SNF8: variants seen among roughly 807,000 people sequenced by gnomAD.
The protein encoded by SNF8 is SNF8 subunit of ESCRT-II.
A neutral mutation model predicts 36.8 loss-of-function variants in SNF8; 19 were observed. The ratio of observed to expected loss-of-function variants is 0.52; its 90% CI spans 0.36 to 0.76. The LOEUF is 0.76. Ranked by LOEUF, SNF8 falls within the 30% of genes least tolerant of loss-of-function variation. SNF8 has a pLI of 0.00. For missense variants in SNF8, 268 were observed against 322.9 expected (o/e 0.83, Z 1.30); for synonymous variants, 127 against 127.4 (o/e 1.00, Z 0.02).
Position 48,930,410 on chromosome 17 carries a change from T to TG in SNF8, c.*64dup. ...TTTCTATTTTTTGTATAAACAAAAT[T>TG]GCCCAGGTTTATTTGCCACCTCCGC... On this transcript the variant is annotated 3_prime_UTR_variant, in exon 8 of 8. Transcript: ENST00000502492. 5 of 1,395,602 alleles carry TG rather than the reference T, an allele frequency of 3.6e-6. No homozygotes were observed. Among genetic ancestry groups the TG allele is most frequent in the Non-Finnish European group, 4.7e-6 (5 of 1,063,188 alleles). 86.5% of individuals were successfully genotyped at this position (1,395,602 alleles called of 1,614,324 possible). A position where few individuals can be genotyped will look rare whatever the true frequency, so the allele number is the denominator to read the frequency against.
At chr17:48,943,849 C>G (rs1489968399) in intron 2 of SNF8, 76 bp downstream of exon 2, 9 of 1,310,402 alleles carry the variant, frequency 6.9e-6, no homozygotes, top group African/African-American at 5.8e-5. Flanking sequence ...TCTACACAAT[C>G]AAGTTCGTAT....
intron 6 of SNF8, 107 bp downstream of exon 6, chr17:48,933,098 G>T: frequency 8.1e-7 from 1 of 1,240,940 alleles, no homozygotes; most frequent in Non-Finnish European, 1.1e-6. Flanking sequence ...CCACTGGATA[G>T]TCTCAGCAAA....
chr17:48,939,555 G>A (rs1355408370), intron 3 of SNF8, among the ~76,000 whole-genome samples: 2 of 151,188 alleles, frequency 1.3e-5, no homozygotes, highest in African/African-American at 2.4e-5. Context: ...CACCTCCCGG[G>A]TTCAAGTGAT....
chr17:48,942,941 C>T (rs577222378), intron 2 of SNF8, among the ~76,000 whole-genome samples: 1 of 147,320 alleles, frequency 6.8e-6, no homozygotes, highest in Non-Finnish European at 1.5e-5. Context: ...TCCTGGCTCA[C>T]TGCAACCTCT....
In SNF8 at chr17:48,930,464, T is replaced by G. The variant is rs1437143099; in HGVS notation, c.*11A>C. ...CTCCCTGCCTGCTGCTGTGTGCCCTTCCACATGCAGTCAGGGGAGGGCTTC... is the reference window on the plus strand; with the variant it reads ...CTCCCTGCCTGCTGCTGTGTGCCCTGCCACATGCAGTCAGGGGAGGGCTTC... On this transcript the variant is annotated 3_prime_UTR_variant, in exon 8 of 8. Transcript: ENST00000502492. 7 of 1,586,746 alleles carry G rather than the reference T, an allele frequency of 4.4e-6. No homozygotes were observed. In the African/African-American group the frequency reaches 8.1e-5, roughly 18 times the overall value.
In SNF8 at chr17:48,941,683, CAATATTTTTTTTTTTT is replaced by C. The variant is rs1157115096; in HGVS notation, c.106-637_106-622del. 3.3e-5 allele frequency among the ~76,000 whole-genome samples: 4 copies of C among 119,814 alleles called. No individual in the cohort carries two copies. In the Admixed American group the frequency reaches 3.4e-4, roughly 10 times the overall value. 78.6% of individuals were successfully genotyped at this position (119,814 alleles called of 152,430 possible). A position where few individuals can be genotyped will look rare whatever the true frequency, so the allele number is the denominator to read the frequency against. On this transcript the variant is annotated intron_variant, in intron 2 of 7. Coordinates refer to ENST00000502492, the MANE Select transcript of SNF8 (RefSeq NM_007241.4). Reference sequence around the variant, plus strand: ...ACATAGCAAGACTGTCTCAATCAATCAATATTTTTTTTTTTTAATTTTTTTGAGACAGAATCTTGCT... The same window carrying C: ...ACATAGCAAGACTGTCTCAATCAATCAATTTTTTTGAGACAGAATCTTGCT...
chr17:48,942,373 A>G (rs1030498318), intron 2 of SNF8, among the ~76,000 whole-genome samples: 6 of 151,620 alleles, frequency 4.0e-5, no homozygotes, highest in Admixed American at 2.0e-4. Flanking sequence ...ACATATTTTA[A>G]TCACCATTTT....
chr17:48,933,304 G>A lies in SNF8; in HGVS notation c.465C>T (p.Gly155=), dbSNP rs748221507. ...IRAIKKLKAL[G]TGFGIIPVGG... is the part of the protein sequence containing the mutation. ...CCACAGGGATGATGCCGAAGCCAGT[G>A]CCAAGTGCCTTTAGTTTCTTGATGG... The change falls in exon 6 of 8, where the codon GGC becomes GGT. Residue 155 remains glycine (G), a synonymous_variant. Coordinates refer to ENST00000502492, the MANE Select transcript of SNF8 (RefSeq NM_007241.4). 1.9e-6 allele frequency: 3 copies of A among 1,614,210 alleles called. No homozygotes were observed. Among genetic ancestry groups the A allele is most frequent in the Non-Finnish European group, 1.7e-6 (2 of 1,180,030 alleles).
chr17:48,936,839 A>G, intron 4 of SNF8, 181 bp downstream of exon 4: 1 of 634,702 alleles, frequency 1.6e-6, no homozygotes, highest in East Asian at 2.6e-5. Context: ...ACAATCGTTC[A>G]GGTAATTCTA....
chr17:48,929,689 AGCTCGGCTG>A lies in SNF8; in HGVS notation c.*777_*785del, dbSNP rs2040828613. Reference sequence around the variant, plus strand: ...GTTAATAGGCCTAGGCACCAGCTTTAGCTCGGCTGAAGCTGGCGGCCCCTGGCAAATTAC... The same window carrying A: ...GTTAATAGGCCTAGGCACCAGCTTTAAAGCTGGCGGCCCCTGGCAAATTAC... On this transcript the variant is annotated 3_prime_UTR_variant, in exon 8 of 8. Coordinates refer to ENST00000502492, the MANE Select transcript of SNF8 (RefSeq NM_007241.4). The A allele has an allele frequency of 6.6e-6, 1 of 152,190 alleles. No homozygotes were observed. The highest frequency in any genetic ancestry group is 1.5e-5 in the Non-Finnish European group (1 of 68,046). 9.4% of individuals were successfully genotyped at this position (152,190 alleles called of 1,614,324 possible).
At chr17:48,942,847 CTTTTTT>C (rs71144543) in intron 2 of SNF8, among the ~76,000 whole-genome samples, 9 of 86,172 alleles carry the variant, frequency 1.0e-4, no homozygotes, top group Admixed American at 6.9e-4. Flanking sequence ...CGCACCCGGC[CTTTTTT>C]TTTTTTTTTT....
chr17:48,930,231 A>G lies in SNF8; in HGVS notation c.*244T>C, dbSNP rs1277420249. The stretch of plus-strand genomic sequence containing the variant: ...CAGCTCTTCCATGAACTTGCAGATG[A>G]CCTACAAAAATCATTTTATATGTGC... On this transcript the variant is annotated 3_prime_UTR_variant, in exon 8 of 8. Transcript: ENST00000502492. 3.0e-6 allele frequency: 1 copy of G among 333,122 alleles called. No homozygotes were observed. The highest frequency in any genetic ancestry group is 2.1e-5 in the African/African-American group (1 of 47,658). 20.6% of individuals were successfully genotyped at this position (333,122 alleles called of 1,614,324 possible). A position where few individuals can be genotyped will look rare whatever the true frequency, so the allele number is the denominator to read the frequency against.
Position 48,944,746 on chromosome 17 carries a change from GCCCGCGGGCCGCCCGGCTGCCGGGAC to G in SNF8, c.-38_-13del. 1 of 1,595,088 alleles carries G rather than the reference GCCCGCGGGCCGCCCGGCTGCCGGGAC, an allele frequency of 6.3e-7. No individual in the cohort carries two copies. The highest frequency in any genetic ancestry group is 8.5e-7 in the Non-Finnish European group (1 of 1,173,330). ...CCGCGGCGGTGCATCCCCACCCTGG[GCCCGCGGGCCGCCCGGCTGCCGGGAC>G]CCCGGGTCTCCACGTCCCGGACTCC... On this transcript the variant is annotated 5_prime_UTR_variant, in exon 1 of 8. Coordinates refer to ENST00000502492, the MANE Select transcript of SNF8 (RefSeq NM_007241.4).
intron 4 of SNF8, chr17:48,936,698 T>G (rs943644069): frequency 5.0e-6 from 2 of 403,996 alleles, no homozygotes; most frequent in African/African-American, 4.0e-5. Context: ...TGCAGGACTA[T>G]AGTTACTAAT....
intron 2 of SNF8, among the ~76,000 whole-genome samples, chr17:48,943,198 G>A (rs538325417): frequency 5.9e-5 from 9 of 151,946 alleles, no homozygotes; most frequent in East Asian, 2.0e-4. Context: ...GGCCGGGCGC[G>A]GTGGCTCACG....
chr17:48,933,292 G>A lies in SNF8; in HGVS notation c.477C>T (p.Gly159=), dbSNP rs754092050. The A allele has an allele frequency of 3.8e-5, 62 of 1,614,068 alleles. No individual in the cohort carries two copies. The highest frequency in any genetic ancestry group is 3.8e-5 in the Non-Finnish European group (45 of 1,180,026). ...GGTAAGTGCCGCCCACAGGGATGATGCCGAAGCCAGTGCCAAGTGCCTTTA... is the reference window on the plus strand; with the variant it reads ...GGTAAGTGCCGCCCACAGGGATGATACCGAAGCCAGTGCCAAGTGCCTTTA... ...KKLKALGTGF[G]IIPVGGTYLI... is the part of the protein sequence containing the mutation. Residue 159 remains glycine, a synonymous_variant, in exon 6 of 8, where the codon GGC becomes GGT. Transcript: ENST00000502492.
chr17:48,933,394 A>G, intron 5 of SNF8, 48 bp from the exon 6 acceptor site: 1 of 1,608,802 alleles, frequency 6.2e-7, no homozygotes, highest in Non-Finnish European at 8.5e-7. Context: ...AATCAGACCT[A>G]ACAACACAGT....
chr17:48,934,316 T>A (rs2040903448), intron 5 of SNF8, among the ~76,000 whole-genome samples: 1 of 141,360 alleles, frequency 7.1e-6, no homozygotes, highest in Non-Finnish European at 1.6e-5. Context: ...ATCACTTTCC[T>A]TTTTTTTTTT....
At chr17:48,930,765 A>T (rs1289721182) in intron 7 of SNF8, among the ~76,000 whole-genome samples, 153 bp from the exon 8 acceptor site, 2 of 152,240 alleles carry the variant, frequency 1.3e-5, no homozygotes, top group Non-Finnish European at 2.9e-5. Flanking sequence ...CAACTAAACG[A>T]GCTGTTTGGC....
Sources: allele counts gnomAD v4.1 joint callset (sites outside exome capture counted in the v4.1 genomes callset), GRCh38; gene constraint gnomAD v4.1.1; transcripts MANE v1.5; gene names NCBI Gene and HGNC (gene_info 2026-07-23, HGNC 2026-07-21).